Variants in NDUFA11 observed in about 807,000 individuals in gnomAD.
NDUFA11 encodes the protein NADH dehydrogenase [ubiquinone] 1 alpha subcomplex subunit 11.
Under a neutral mutation model 11.3 loss-of-function variants are expected in NDUFA11, and 14 were observed. The observed-to-expected ratio is 1.24, with a 90% CI of 0.82 to 1.94. NDUFA11 has a LOEUF of 1.94. Among genes scored for constraint, NDUFA11 ranks in the 30% most tolerant of loss-of-function variants. The pLI, the probability that NDUFA11 is intolerant of heterozygous loss-of-function variation, is 0.00. For synonymous variants in NDUFA11, 87 were observed against 85.6 expected, an observed-to-expected ratio of 1.02 and a Z score of -0.09; for missense variants, 204 against 200.3, an observed-to-expected ratio of 1.02 and a Z score of -0.11.
chr19:5,895,869 T>G (rs980767381), intron 3 of NDUFA11: 1 of 160,814 alleles, frequency 6.2e-6, no homozygotes, highest in Non-Finnish European at 1.4e-5. Context: ...GGCCACTTAA[T>G]TCCCTCCCTG....
intron 1 of NDUFA11, among the ~76,000 whole-genome samples, chr19:5,897,338 G>A (rs546167226): frequency 1.3e-5 from 2 of 152,276 alleles, no homozygotes; most frequent in African/African-American, 4.8e-5. Context: ...CATCCACGTG[G>A]TGGACACAAG....
chr19:5,896,402 G>T lies in NDUFA11; in HGVS notation c.313+51C>A. ...GGTGGAGGATGAGCAGAGGTCAGGGGTCATTCTGCCAGGCTGGGAGGAGGG... is the reference window on the plus strand; with the variant it reads ...GGTGGAGGATGAGCAGAGGTCAGGGTTCATTCTGCCAGGCTGGGAGGAGGG... On this transcript the variant is annotated intron_variant, in intron 3 of 3. Transcript: ENST00000308961. This position sits in a 1 kb window ranked among gnomAD's most constrained non-coding sequence, Gnocchi z 5.8. 1 of 1,457,014 alleles carries T rather than the reference G, an allele frequency of 6.9e-7. No individual in the cohort carries two copies. Among genetic ancestry groups the T allele is most frequent in the Non-Finnish European group, 9.3e-7 (1 of 1,079,848 alleles). 90.3% of individuals were successfully genotyped at this position (1,457,014 alleles called of 1,614,324 possible).
chr19:5,901,683 T>C (rs1410472114), intron 1 of NDUFA11, among the ~76,000 whole-genome samples: 1 of 150,660 alleles, frequency 6.6e-6, no homozygotes, highest in Non-Finnish European at 1.5e-5. Context: ...TTTTTTTTTC[T>C]TTTTGAGACG....
At chr19:5,894,887 G>C (rs766112807) in intron 3 of NDUFA11, 33 bp from the exon 4 acceptor site, 41 of 1,564,164 alleles carry the variant, frequency 2.6e-5, no homozygotes, top group Admixed American at 3.7e-5. Context: ...TCAGGCCCGG[G>C]TGGGGCTCGG....
intron 1 of NDUFA11, among the ~76,000 whole-genome samples, chr19:5,902,950 G>A (rs773370957): frequency 1.4e-5 from 2 of 147,246 alleles, no homozygotes; most frequent in Non-Finnish European, 3.0e-5. Context: ...CGTGAAGGTT[G>A]CAGTGAGCCG....
At position 5,896,999 on chromosome 19, in the gene NDUFA11, T is replaced by C. The variant is rs1239393118; in HGVS notation, c.98-2A>G. 2 of 1,613,662 alleles carry C rather than the reference T, an allele frequency of 1.2e-6. No individual in the cohort carries two copies. The highest frequency in any genetic ancestry group is 1.7e-6 in the Non-Finnish European group (2 of 1,179,674). ...CTCTGTAGGCAGCGGCGGTCAGGCC[T>C]GCGAGACAGAGGAGGGAGGCTGTTC... On this transcript the variant is annotated splice_acceptor_variant, in intron 1 of 3. Transcript: ENST00000308961. LOFTEE classifies it high-confidence loss of function. The surrounding 1 kb of genome is among the most constrained non-coding windows in gnomAD (Gnocchi z 5.8).
At chr19:5,897,125 C>T in intron 1 of NDUFA11, 128 bp from the exon 2 acceptor site, 1 of 781,114 alleles carries the variant, frequency 1.3e-6, no homozygotes, top group South Asian at 1.4e-5. Context: ...CATAGTGTCC[C>T]CGGCTGCTGA....
Position 5,896,804 on chromosome 19 carries a change from C to T in NDUFA11, c.190+101G>A, listed in dbSNP as rs963537845. On this transcript the variant is annotated intron_variant, in intron 2 of 3. Transcript: ENST00000308961. The surrounding 1 kb of genome is among the most constrained non-coding windows in gnomAD (Gnocchi z 5.8). ...CTCCGGATGGCCAGCACTGTGGACA[C>T]GGGCTGGGGAGTCAGAGAGAAGAGG... 38 of 1,226,104 alleles carry T rather than the reference C, an allele frequency of 3.1e-5. 1 individual carries two copies. Among genetic ancestry groups the T allele is most frequent in the Admixed American group, 2.2e-4 (13 of 59,502 alleles). 76.0% of individuals were successfully genotyped at this position (1,226,104 alleles called of 1,614,324 possible).
At chr19:5,897,063 C>G in intron 1 of NDUFA11, 66 bp from the exon 2 acceptor site, 1 of 1,334,932 alleles carries the variant, frequency 7.5e-7, no homozygotes. Flanking sequence ...GGCCGGGCAC[C>G]CCACTGGGTG....
At chr19:5,901,263 T>A in intron 1 of NDUFA11, 1 of 1,222,262 alleles carries the variant, frequency 8.2e-7, no homozygotes, top group African/African-American at 1.6e-5. Flanking sequence ...CATACGCGTC[T>A]TTCTCAGTTT....
chr19:5,896,923 G>T lies in NDUFA11; in HGVS notation c.172C>A (p.Gln58Lys), dbSNP rs746843804. 1 of 1,613,996 alleles carries T rather than the reference G, an allele frequency of 6.2e-7. No individual in the cohort carries two copies. The highest frequency in any genetic ancestry group is 8.5e-7 in the Non-Finnish European group (1 of 1,179,968). The change falls in exon 2 of 4, where the codon CAA becomes AAA. Residue 58 changes from glutamine (Q) to lysine (K), a missense_variant. Transcript: ENST00000308961. The surrounding 1 kb of genome is among the most constrained non-coding windows in gnomAD (Gnocchi z 5.8). ...TFLEGVAKVG[Q>K]YTFTAAAVGA... ...TGCTCACCTGCAGTGAACGTGTATT[G>T]TCCAACCTTAGCCACTCCTTCAAGG...
intron 3 of NDUFA11, chr19:5,895,913 G>A (rs547262908): frequency 5.6e-6 from 1 of 177,400 alleles, no homozygotes; most frequent in South Asian, 1.5e-4. Flanking sequence ...AGTGAAGGTT[G>A]CGGGGGCAGC....
intron 1 of NDUFA11, among the ~76,000 whole-genome samples, chr19:5,898,453 C>T (rs1223917839): frequency 6.6e-6 from 1 of 152,200 alleles, no homozygotes; most frequent in Non-Finnish European, 1.5e-5. Flanking sequence ...CATCTGCTCC[C>T]CACAAGCACA....
downstream of NDUFA11, chr19:5,894,644 T>C (rs2144946956): frequency 6.5e-7 from 1 of 1,547,578 alleles, no homozygotes; most frequent in Non-Finnish European, 8.7e-7. Context: ...GGCTGCTGTG[T>C]CGCCGTCATC....
intron 1 of NDUFA11, among the ~76,000 whole-genome samples, chr19:5,898,408 G>A (rs1328960254): frequency 6.6e-6 from 1 of 152,196 alleles, no homozygotes; most frequent in Non-Finnish European, 1.5e-5. Context: ...CAGCAGTGGG[G>A]TGAGCACATA....
intron 3 of NDUFA11, 81 bp from the exon 4 acceptor site, chr19:5,894,935 C>G: frequency 6.8e-7 from 1 of 1,474,234 alleles, no homozygotes; most frequent in Non-Finnish European, 9.1e-7. Context: ...CGGTGCCCAC[C>G]CTGGGAGCCA....
chr19:5,893,183 C>T, downstream of NDUFA11: 2 of 1,535,998 alleles, frequency 1.3e-6, no homozygotes, highest in Non-Finnish European at 8.7e-7. The surrounding 1 kb of genome is among the most constrained non-coding windows in gnomAD (Gnocchi z 4.1). Flanking sequence ...AATCTCTGTA[C>T]ACAGTGGCTC....
At chr19:5,902,190 T>A (rs2057650503) in intron 1 of NDUFA11, among the ~76,000 whole-genome samples, 1 of 152,048 alleles carries the variant, frequency 6.6e-6, no homozygotes, top group South Asian at 2.1e-4. Flanking sequence ...TTAGCCAGGA[T>A]GGTCTCAATC....
At chr19:5,893,196 G>A (rs921520714), downstream of NDUFA11, 61 of 1,535,958 alleles carry the variant, frequency 4.0e-5, no homozygotes, top group Non-Finnish European at 5.2e-5. The surrounding 1 kb of genome is among the most constrained non-coding windows in gnomAD (Gnocchi z 4.1). Context: ...AGTGGCTCAT[G>A]CCTATAATCC....
Sources: gnomAD v4.1 joint callset for allele counts (sites outside exome capture counted in the v4.1 genomes callset) on GRCh38, gnomAD v4.1.1 for gene constraint, Gnocchi (gnomAD v3.1) non-coding constraint, MANE v1.5 for transcripts, NCBI Gene and HGNC (gene_info 2026-07-23, HGNC 2026-07-21) for gene names.